Variants in HK1 observed in about 807,000 individuals in gnomAD.
HK1 encodes the protein hexokinase-1.
HK1 carries 28 observed loss-of-function variants against 91.6 expected under a neutral mutation model. The ratio of observed to expected loss-of-function variants is 0.31; its 90% CI spans 0.23 to 0.42. HK1 has a LOEUF of 0.42. Ranked by LOEUF, HK1 falls within the 10% of genes least tolerant of loss-of-function variation. The probability of loss-of-function intolerance (pLI) is 1.00; values close to 1 mark genes in which losing one functional copy is unlikely to be tolerated. For synonymous variants in HK1, 430 were observed against 468.1 expected, an observed-to-expected ratio of 0.92 and a Z score of 1.05; for missense variants, 770 against 1,219.8, an observed-to-expected ratio of 0.63 and a Z score of 5.49.
chr10:69,391,344 C>T lies in HK1; in HGVS notation c.2036-781C>T, dbSNP rs931343707. Among the ~76,000 whole-genome samples the T allele has an allele frequency of 8.5e-5, 13 of 152,344 alleles. No homozygotes were observed. The East Asian group carries it at 2.3e-3, about 27-fold the overall frequency. On this transcript the variant is annotated intron_variant, in intron 14 of 17. Coordinates refer to ENST00000359426, the MANE Select transcript of HK1 (RefSeq NM_000188.3). Reference sequence around the variant, plus strand: ...ATAGTCCACGACCAACCATCCTTGTCGAGAAAAGATAAGTGGGGCTGGGCG... The same window carrying T: ...ATAGTCCACGACCAACCATCCTTGTTGAGAAAAGATAAGTGGGGCTGGGCG...
At chr10:69,324,758 C>T (rs1186733095) in intron 1 of HK1, among the ~76,000 whole-genome samples, 2 of 152,170 alleles carry the variant, frequency 1.3e-5, no homozygotes, top group African/African-American at 4.8e-5. Context: ...AAGCTGCTCC[C>T]ATCCCCAGTT....
At chr10:69,324,884 A>G (rs993242907) in intron 1 of HK1, among the ~76,000 whole-genome samples, 17 of 152,192 alleles carry the variant, frequency 1.1e-4, no homozygotes, top group African/African-American at 4.1e-4. Flanking sequence ...GGTTGTGTTC[A>G]TTGTATTTGA....
chr10:69,285,588 G>A (rs1170977550), intron 2 of HK1, among the ~76,000 whole-genome samples: 1 of 152,188 alleles, frequency 6.6e-6, no homozygotes, highest in African/African-American at 2.4e-5. Flanking sequence ...ATTTGAAGCT[G>A]TGTTATGATG....
intron 4 of HK1, among the ~76,000 whole-genome samples, chr10:69,299,829 T>C (rs1321694973): frequency 1.3e-5 from 2 of 151,492 alleles, no homozygotes; most frequent in African/African-American, 4.9e-5. Flanking sequence ...ACCCAGTAAT[T>C]TTTTGTACTT....
At chr10:69,297,701 C>A (rs1245410111) in intron 4 of HK1, among the ~76,000 whole-genome samples, 1 of 148,562 alleles carries the variant, frequency 6.7e-6, no homozygotes, top group African/African-American at 2.6e-5. Flanking sequence ...TTAAGACCAG[C>A]CTGGCCAACA....
chr10:69,323,267 T>C (rs1847149681), intron 1 of HK1, among the ~76,000 whole-genome samples: 1 of 148,596 alleles, frequency 6.7e-6, no homozygotes, highest in Non-Finnish European at 1.5e-5. Context: ...AAGAAAATTA[T>C]GAAAAATCTG....
intron 1 of HK1, among the ~76,000 whole-genome samples, chr10:69,343,021 G>A (rs980456264): frequency 6.6e-5 from 10 of 152,220 alleles, no homozygotes; most frequent in African/African-American, 2.4e-4. Flanking sequence ...CCTGGTGAAG[G>A]GTGGGAGTAG....
chr10:69,291,840 A>C (rs1845309053), intron 3 of HK1, among the ~76,000 whole-genome samples: 1 of 152,174 alleles, frequency 6.6e-6, no homozygotes, highest in Non-Finnish European at 1.5e-5. Context: ...AGCCCCAGAG[A>C]GTATTTTTCC....
At chr10:69,398,856 C>G in intron 17 of HK1, 28 bp downstream of exon 17, 1 of 1,546,968 alleles carries the variant, frequency 6.5e-7, no homozygotes, top group South Asian at 1.1e-5. Context: ...TTGGGATGCG[C>G]AGAGCTTGCT....
At chr10:69,373,103 A>C (rs1469857696) in intron 7 of HK1, among the ~76,000 whole-genome samples, 1 of 152,166 alleles carries the variant, frequency 6.6e-6, no homozygotes, top group African/African-American at 2.4e-5. Flanking sequence ...TCCTGACCTC[A>C]GGTGATCCAG....
At chr10:69,281,921 G>A (rs1413887763) in intron 1 of HK1, among the ~76,000 whole-genome samples, 1 of 152,106 alleles carries the variant, frequency 6.6e-6, no homozygotes, top group Non-Finnish European at 1.5e-5. Flanking sequence ...GCTCTATTTT[G>A]GCCACAGAGT....
chr10:69,377,033 C>G lies in HK1; in HGVS notation c.975C>G (p.Thr325=). The part of the protein sequence containing the change: ...KEGLLFEGRI[T]PELLTRGKFN... ...GCCTCTTATTTGAAGGGCGGATCAC[C>G]CCGGAGCTGCTCACCCGAGGGAAGT... The change falls in exon 8 of 18, where the codon ACC becomes ACG. Residue 325 remains threonine, a synonymous_variant. Transcript: ENST00000359426. 1 of 1,614,186 alleles carries G rather than the reference C, an allele frequency of 6.2e-7. No individual in the cohort carries two copies. Among genetic ancestry groups the G allele is most frequent in the Non-Finnish European group, 8.5e-7 (1 of 1,180,032 alleles).
At chr10:69,289,342 T>C (rs5030916) in intron 3 of HK1, among the ~76,000 whole-genome samples, 95,345 of 151,840 alleles carry the variant, frequency 0.63, 30,105 homozygotes, top group East Asian at 0.72. Flanking sequence ...AGTTATGCTG[T>C]GAAGTCATCA....
chr10:69,351,005 C>CAAAAAAA, intron 2 of HK1, among the ~76,000 whole-genome samples: 1 of 88,886 alleles, frequency 1.1e-5, no homozygotes, highest in East Asian at 2.6e-4. Flanking sequence ...CCCGTCTCTA[C>CAAAAAAA]TAAAAAAAAA....
intron 8 of HK1, among the ~76,000 whole-genome samples, chr10:69,378,613 T>A (rs552593569): frequency 2.0e-3 from 308 of 152,144 alleles, no homozygotes; most frequent in South Asian, 6.0e-3. Flanking sequence ...CTGGATGGGG[T>A]TTCACCTTGT....
At chr10:69,318,361 C>A, upstream of HK1, 2 of 349,906 alleles carry the variant, frequency 5.7e-6, no homozygotes, top group Non-Finnish European at 8.0e-6. Context: ...TCCGGCACCT[C>A]GGCGTCCACC....
chr10:69,283,808 A>AAAAAAAAAG (rs1554875978), intron 2 of HK1, among the ~76,000 whole-genome samples: 9,529 of 144,062 alleles, frequency 0.066, 762 homozygotes, highest in African/African-American at 0.16. Flanking sequence ...CAAAAAAAAA[A>AAAAAAAAAG]AAAAAAAAAG....
At chr10:69,332,666 T>G (rs1481439798) in intron 1 of HK1, among the ~76,000 whole-genome samples, 3 of 152,088 alleles carry the variant, frequency 2.0e-5, no homozygotes, top group Non-Finnish European at 4.4e-5. Flanking sequence ...TGTCAGCCAT[T>G]GTACCTGGCC....
intron 17 of HK1, among the ~76,000 whole-genome samples, chr10:69,400,698 C>T (rs943689820): frequency 6.6e-6 from 1 of 152,196 alleles, no homozygotes; most frequent in Non-Finnish European, 1.5e-5. Flanking sequence ...GGCCTCCCTG[C>T]TGAAAACTGT....
Sources: allele counts gnomAD v4.1 joint callset (sites outside exome capture counted in the v4.1 genomes callset), GRCh38; gene constraint gnomAD v4.1.1; transcripts MANE v1.5; gene names NCBI Gene and HGNC (gene_info 2026-07-23, HGNC 2026-07-21).